PDE6B: variants seen among roughly 807,000 people sequenced by gnomAD.
The protein encoded by PDE6B is rod cGMP-specific 3',5'-cyclic phosphodiesterase subunit beta.
Under a neutral mutation model 109.0 loss-of-function variants are expected in PDE6B, and 106 were observed. The ratio of observed to expected loss-of-function variants is 0.97; its 90% CI spans 0.83 to 1.14. The LOEUF (loss-of-function observed/expected upper bound fraction) is 1.14, where lower values mean the gene tolerates loss of function less well. PDE6B is among the 50% of genes most tolerant of loss of function. PDE6B has a pLI of 0.00. For synonymous variants in PDE6B, 490 were observed against 471.3 expected, an observed-to-expected ratio of 1.04 and a Z score of -0.51; for missense variants, 1,193 against 1,155.6, an observed-to-expected ratio of 1.03 and a Z score of -0.47.
Position 664,935 on chromosome 4 carries a change from C to T in PDE6B, c.2184C>T (p.Val728=), listed in dbSNP as rs769106788. ...DLSAITKPWE[V]QSKVALLVAA... is the part of the protein sequence containing the mutation. The stretch of plus-strand genomic sequence containing the variant: ...CTGCCATCACCAAGCCCTGGGAAGT[C>T]CAGAGCAAGGTTAGAACAGAGGGCC... Residue 728 remains valine (V), a synonymous_variant, in exon 18 of 22, where the codon GTC becomes GTT. Coordinates refer to ENST00000496514, the MANE Select transcript of PDE6B (RefSeq NM_000283.4). 2 of 1,612,484 alleles carry T rather than the reference C, an allele frequency of 1.2e-6. No homozygotes were observed. Among genetic ancestry groups the T allele is most frequent in the Non-Finnish European group, 1.7e-6 (2 of 1,179,264 alleles).
rs1213894935 is a variant in PDE6B, at chr4:654,810, C to A, written c.928-14C>A. 1 of 1,454,486 alleles carries A rather than the reference C, an allele frequency of 6.9e-7. No individual in the cohort carries two copies. Among genetic ancestry groups the A allele is most frequent in the South Asian group, 1.1e-5 (1 of 87,844 alleles). 90.1% of individuals were successfully genotyped at this position (1,454,486 alleles called of 1,614,324 possible). A position where few individuals can be genotyped will look rare whatever the true frequency, so the allele number is the denominator to read the frequency against. On this transcript the variant is annotated splice_polypyrimidine_tract_variant and intron_variant, in intron 5 of 21. Transcript: ENST00000496514. ...GGCCAGGCAGCCCCCCGACCAGTGT[C>A]TTCTGCTTCTCAGGAAATTGTCTTC...
At position 625,730 on chromosome 4, in the gene PDE6B, C is replaced by A; in HGVS notation, c.104C>A (p.Ala35Asp). The A allele has an allele frequency of 6.2e-7, 1 of 1,613,496 alleles. No individual in the cohort carries two copies. Among genetic ancestry groups the A allele is most frequent in the Non-Finnish European group, 8.5e-7 (1 of 1,179,910 alleles). The change falls in exon 1 of 22, where the codon GCC becomes GAC. Residue 35 changes from alanine to aspartate, a missense_variant. Ala to Asp is a moderately radical substitution (Grantham distance 126). Coordinates refer to ENST00000496514, the MANE Select transcript of PDE6B (RefSeq NM_000283.4). This position sits in a 1 kb window ranked among gnomAD's most constrained non-coding sequence, Gnocchi z 5.0. ...CTGAGCCCTGAGAATGTGGCCGCGG[C>A]CTGCGAGGACGGGTGCCCGCCGGAC... ...KKLSPENVAA[A>D]CEDGCPPDCD...
At chr4:640,946 G>C (rs920059808) in intron 3 of PDE6B, among the ~76,000 whole-genome samples, 4 of 152,182 alleles carry the variant, frequency 2.6e-5, no homozygotes, top group Admixed American at 6.5e-5. Flanking sequence ...TGTAGGTTTA[G>C]AGTAAGTCTT....
Position 625,685 on chromosome 4 carries a change from G to A in PDE6B, c.59G>A (p.Arg20His), listed in dbSNP as rs781251175. The A allele has an allele frequency of 7.7e-5, 125 of 1,613,870 alleles. No homozygotes were observed. Among genetic ancestry groups the A allele is most frequent in the East Asian group, 1.8e-4 (8 of 44,894 alleles). The part of the protein sequence containing the change: ...SFLDQNPDFA[R>H]QYFGKKLSPE... ...CTGGACCAGAACCCCGATTTTGCCC[G>A]CCAGTACTTTGGGAAGAAACTGAGC... Residue 20 changes from arginine (R) to histidine (H), a missense_variant, in exon 1 of 22, where the codon CGC (arginine) becomes CAC (histidine). Transcript: ENST00000496514. The surrounding 1 kb of genome is among the most constrained non-coding windows in gnomAD (Gnocchi z 5.0).
chr4:645,517 G>C (rs1329081850), intron 3 of PDE6B, among the ~76,000 whole-genome samples: 1 of 151,422 alleles, frequency 6.6e-6, no homozygotes, highest in Non-Finnish European at 1.5e-5. Context: ...GGATGGTCTC[G>C]ATCTCCTGAC....
In PDE6B at chr4:660,463, A is replaced by C; in HGVS notation, c.1468-4A>C. 1 of 1,613,636 alleles carries C rather than the reference A, an allele frequency of 6.2e-7. No individual in the cohort carries two copies. The highest frequency in any genetic ancestry group is 8.5e-7 in the Non-Finnish European group (1 of 1,179,836). On this transcript the variant is annotated splice_polypyrimidine_tract_variant and splice_region_variant and intron_variant, in intron 11 of 21. Transcript: ENST00000496514. ...CCTCCCTCAGCCCACAATCCCTCCC[A>C]CAGAAGGAGGAGCTGCCAGGGCCCA...
rs369980987 is a variant in PDE6B, at chr4:662,222, C to T, written c.1703C>T (p.Thr568Met). The change falls in exon 13 of 22, where the codon ACG (threonine) becomes ATG (methionine). Residue 568 changes from threonine to methionine, a missense_variant. Transcript: ENST00000496514. This position sits in a 1 kb window ranked among gnomAD's most constrained non-coding sequence, Gnocchi z 4.3. ...NWRHGFNVAQ[T>M]MFTLLMTGKL... is the part of the protein sequence containing the mutation. The stretch of plus-strand genomic sequence containing the variant: ...CGCCACGGCTTCAACGTGGCCCAGA[C>T]GATGTTCACGCTGCTCATGGTACGT... 2.6e-5 allele frequency: 41 copies of T among 1,561,874 alleles called. No homozygotes were observed. The highest frequency in any genetic ancestry group is 3.5e-5 in the South Asian group (3 of 85,714).
chr4:655,320 C>A, intron 6 of PDE6B: 1 of 295,704 alleles, frequency 3.4e-6, no homozygotes, highest in Non-Finnish European at 6.5e-6. Context: ...AACTCCAGTC[C>A]GGAGGTCAGG....
At chr4:669,992 T>G in intron 21 of PDE6B, 54 bp from the exon 22 acceptor site, 1 of 1,444,450 alleles carries the variant, frequency 6.9e-7, no homozygotes, top group Non-Finnish European at 9.7e-7. Context: ...AGGGAAGGAA[T>G]AGGGCTGGTG....
In PDE6B at chr4:635,871, C is replaced by T; in HGVS notation, c.622-9C>T. Reference sequence around the variant, plus strand: ...ATTTTAATTCCTCTTGTTGCAATTCCTGTTTCAGGTGTTCTTGAAGTACCT... The same window carrying T: ...ATTTTAATTCCTCTTGTTGCAATTCTTGTTTCAGGTGTTCTTGAAGTACCT... On this transcript the variant is annotated splice_polypyrimidine_tract_variant and intron_variant, in intron 2 of 21. Transcript: ENST00000496514. The T allele has an allele frequency of 2.8e-6, 4 of 1,420,500 alleles. No individual in the cohort carries two copies. Among genetic ancestry groups the T allele is most frequent in the Middle Eastern group, 1.8e-4 (1 of 5,708 alleles). The allele number at this position is 1,420,500 out of a possible 1,614,324, so 88.0% of individuals were successfully genotyped here.
At chr4:659,666 GTA>G (rs567565905) in intron 11 of PDE6B, among the ~76,000 whole-genome samples, 2 of 151,314 alleles carry the variant, frequency 1.3e-5, no homozygotes. Flanking sequence ...GTGCCCACGA[GTA>G]TGTGTGTGCA....
At chr4:657,080 G>A (rs1397782394) in intron 9 of PDE6B, 57 bp downstream of exon 9, 2 of 1,549,920 alleles carry the variant, frequency 1.3e-6, no homozygotes, top group Non-Finnish European at 1.8e-6. Context: ...GGTGGGGCCT[G>A]TGCGGTGTGG....
intron 1 of PDE6B, among the ~76,000 whole-genome samples, chr4:628,426 G>A (rs1002816285): frequency 2.0e-5 from 3 of 152,120 alleles, no homozygotes; most frequent in Admixed American, 6.5e-5. Flanking sequence ...CGGGCCACCC[G>A]GAGTCTCACC....
At position 626,246 on chromosome 4, in the gene PDE6B, C is replaced by T. The variant is rs1379381174; in HGVS notation, c.468+152C>T. ...GTGCTGAGGAGCAAGTACCTAGAGC[C>T]CCCTCCCGGCACTGTGCCCTGGCCG... On this transcript the variant is annotated intron_variant, in intron 1 of 21. Coordinates refer to ENST00000496514, the MANE Select transcript of PDE6B (RefSeq NM_000283.4). This position sits in a 1 kb window ranked among gnomAD's most constrained non-coding sequence, Gnocchi z 4.6. 8.1e-6 allele frequency: 5 copies of T among 615,002 alleles called. No homozygotes were observed. The Admixed American group carries it at 8.5e-5, about 10-fold the overall frequency. 38.1% of individuals were successfully genotyped at this position (615,002 alleles called of 1,614,324 possible).
chr4:634,652 T>G, intron 1 of PDE6B, 25 bp from the exon 2 acceptor site: 1 of 1,604,590 alleles, frequency 6.2e-7, no homozygotes, highest in Non-Finnish European at 8.5e-7. Context: ...ACAGCCTCTT[T>G]AGCCTCTTTC....
chr4:670,153 C>G lies in PDE6B; in HGVS notation c.*46C>G. The G allele has an allele frequency of 6.2e-7, 1 of 1,611,082 alleles. No individual in the cohort carries two copies. The highest frequency in any genetic ancestry group is 1.1e-5 in the South Asian group (1 of 91,044). On this transcript the variant is annotated 3_prime_UTR_variant, in exon 22 of 22. Transcript: ENST00000496514. The stretch of plus-strand genomic sequence containing the variant: ...CTATGGCTCCCTCAATCTTCACCCA[C>G]TAGGATTTGGGTTCTGCCTGTGGCT...
At position 625,609 on chromosome 4, in the gene PDE6B, C is replaced by T; in HGVS notation, c.-18C>T. On this transcript the variant is annotated 5_prime_UTR_variant, in exon 1 of 22. Transcript: ENST00000496514. This position sits in a 1 kb window ranked among gnomAD's most constrained non-coding sequence, Gnocchi z 5.0. ...TGCGTGCCTGGAGCAGCAGCGTCTC[C>T]AGGGACAGGCAGCCACCATGAGCCT... The T allele has an allele frequency of 1.3e-6, 2 of 1,574,032 alleles. No individual in the cohort carries two copies. The highest frequency in any genetic ancestry group is 1.7e-4 in the Middle Eastern group (1 of 5,982).
chr4:662,699 G>A lies in PDE6B; in HGVS notation c.1832+81G>A. The A allele has an allele frequency of 2.2e-6, 2 of 928,976 alleles. No homozygotes were observed. The highest frequency in any genetic ancestry group is 1.8e-5 in the Admixed American group (1 of 56,460). The allele number at this position is 928,976 out of a possible 1,614,324, so 57.5% of individuals were successfully genotyped here. A position where few individuals can be genotyped will look rare whatever the true frequency, so the allele number is the denominator to read the frequency against. On this transcript the variant is annotated intron_variant, in intron 14 of 21. Transcript: ENST00000496514. This position sits in a 1 kb window ranked among gnomAD's most constrained non-coding sequence, Gnocchi z 4.3. ...GCGTGAATTAGGCTTCGCATAGCAG[G>A]CTATGTAGAAAGTGGAGTCCACGGC...
chr4:663,990 C>T lies in PDE6B; in HGVS notation c.2021+120C>T. 9.2e-7 allele frequency: 1 copy of T among 1,089,030 alleles called. No individual in the cohort carries two copies. Among genetic ancestry groups the T allele is most frequent in the Non-Finnish European group, 1.4e-6 (1 of 715,524 alleles). 67.5% of individuals were successfully genotyped at this position (1,089,030 alleles called of 1,614,324 possible). On this transcript the variant is annotated intron_variant, in intron 16 of 21. Transcript: ENST00000496514. This position sits in a 1 kb window ranked among gnomAD's most constrained non-coding sequence, Gnocchi z 4.0. Reference sequence around the variant, plus strand: ...GACGCAGCCCCGGATTCCGTCCCTGCCCGCCGGCCCCGCGCACCCCGGATG... The same window carrying T: ...GACGCAGCCCCGGATTCCGTCCCTGTCCGCCGGCCCCGCGCACCCCGGATG...
Sources: allele counts gnomAD v4.1 joint callset (sites outside exome capture counted in the v4.1 genomes callset), GRCh38; gene constraint gnomAD v4.1.1; non-coding constraint Gnocchi (gnomAD v3.1); transcripts MANE v1.5; gene names NCBI Gene and HGNC (gene_info 2026-07-23, HGNC 2026-07-21).